The following GFPT2 variants were observed in gnomAD, a reference collection of about 807,000 sequenced individuals.
GFPT2 encodes glutamine--fructose-6-phosphate aminotransferase [isomerizing] 2.
Under a neutral mutation model 85.6 loss-of-function variants are expected in GFPT2, and 62 were observed. The ratio of observed to expected loss-of-function variants is 0.72; its 90% CI spans 0.59 to 0.90. GFPT2 has a LOEUF of 0.90. Ranked by LOEUF, GFPT2 falls within the 40% of genes least tolerant of loss-of-function variation. The pLI is 0.00. For synonymous variants in GFPT2, 368 were observed against 344.5 expected (o/e 1.07, Z -0.75); for missense variants, 788 against 893.4 (o/e 0.88, Z 1.50).
chr5:180,341,911 G>C (rs74338248), intron 1 of GFPT2, among the ~76,000 whole-genome samples: 4,235 of 152,260 alleles, frequency 0.028, 85 homozygotes, highest in Non-Finnish European at 0.045. Flanking sequence ...TAAAAAGATA[G>C]TTATTTTTTG....
rs60825853 is a variant in GFPT2, at chr5:180,326,024, CTAAA to C, written c.597-1133_597-1130del. Among the ~76,000 whole-genome samples the C allele has an allele frequency of 8.0e-5, 12 of 150,744 alleles. No individual in the cohort carries two copies. In the East Asian group the frequency reaches 1.8e-3, roughly 22 times the overall value. ...TGGGCGACAAAGCGAGACTCCATCT[CTAAA>C]TAAATAAATAAATAAATAAATAAAA... On this transcript the variant is annotated intron_variant, in intron 7 of 18. Coordinates refer to ENST00000253778, the MANE Select transcript of GFPT2 (RefSeq NM_005110.4).
At chr5:180,342,755 A>T (rs1764542718) in intron 1 of GFPT2, among the ~76,000 whole-genome samples, 2 of 152,084 alleles carry the variant, frequency 1.3e-5, no homozygotes, top group African/African-American at 4.8e-5. Context: ...TAGAAAAATT[A>T]GCTGGGTATG....
intron 6 of GFPT2, among the ~76,000 whole-genome samples, chr5:180,329,575 G>A (rs1332357821): frequency 2.0e-5 from 3 of 152,186 alleles, no homozygotes; most frequent in Non-Finnish European, 2.9e-5. Context: ...TTATAAACAC[G>A]TCCTCTAAAT....
chr5:180,325,880 C>T (rs1764203117), intron 7 of GFPT2, among the ~76,000 whole-genome samples: 1 of 152,106 alleles, frequency 6.6e-6, no homozygotes, highest in Admixed American at 6.5e-5. Context: ...CAAAAATTAG[C>T]TGGGCATGGT....
rs1764173836 is a variant in GFPT2 at position 180,324,381 on chromosome 5, C to A, written c.677-76G>T. ...ATAATATGCAGCAAGGAACCAATTT[C>A]CCCTCTGAATATGTGTGGGAGAAAT... On this transcript the variant is annotated intron_variant, in intron 8 of 18. Transcript: ENST00000253778. The A allele has an allele frequency of 5.7e-6, 5 of 874,742 alleles. No individual in the cohort carries two copies. The Admixed American group carries it at 6.8e-5, about 12-fold the overall frequency. 54.2% of individuals were successfully genotyped at this position (874,742 alleles called of 1,614,324 possible).
In GFPT2 at chr5:180,324,168, A is replaced by T. The variant is rs771835390; in HGVS notation, c.794+20T>A. 20 of 1,301,430 alleles carry T rather than the reference A, an allele frequency of 1.5e-5. No individual in the cohort carries two copies. Among genetic ancestry groups the T allele is most frequent in the Non-Finnish European group, 2.2e-5 (20 of 900,618 alleles). The allele number at this position is 1,301,430 out of a possible 1,614,324, so 80.6% of individuals were successfully genotyped here. A position where few individuals can be genotyped will look rare whatever the true frequency, so the allele number is the denominator to read the frequency against. ...TTGATTATGTAATCCCAGGAAGCGA[A>T]GAGAAGAAGGCTCAGTTACCTTGCA... On this transcript the variant is annotated intron_variant, in intron 9 of 18. Coordinates refer to ENST00000253778, the MANE Select transcript of GFPT2 (RefSeq NM_005110.4).
chr5:180,326,535 T>C (rs1429055184), intron 7 of GFPT2, among the ~76,000 whole-genome samples: 4 of 152,342 alleles, frequency 2.6e-5, no homozygotes, highest in South Asian at 2.1e-4. Flanking sequence ...GTTGGCCTGT[T>C]TGGACCCCAC....
intron 15 of GFPT2, among the ~76,000 whole-genome samples, chr5:180,310,523 G>C (rs1191725088): frequency 6.6e-6 from 1 of 151,682 alleles, no homozygotes; most frequent in African/African-American, 2.4e-5. Flanking sequence ...TGATTTTCCT[G>C]CCTCAGCCTC....
At chr5:180,352,498 GGA>G in intron 1 of GFPT2, 8 of 449,666 alleles carry the variant, frequency 1.8e-5, no homozygotes, top group Non-Finnish European at 3.6e-5. Context: ...CAGCCACGCG[GGA>G]CAGCGCGGGA....
intron 4 of GFPT2, among the ~76,000 whole-genome samples, chr5:180,333,471 T>C (rs1347357080): frequency 1.3e-5 from 2 of 152,036 alleles, no homozygotes; most frequent in Non-Finnish European, 2.9e-5. Flanking sequence ...CCCGACCTCA[T>C]GGTCCGCCCG....
chr5:180,317,043 A>G lies in GFPT2; in HGVS notation c.974T>C (p.Phe325Ser). The change falls in exon 11 of 19, where the codon TTT (phenylalanine) becomes TCT (serine). Residue 325 changes from phenylalanine to serine, a missense_variant. Phe to Ser is a radical substitution (Grantham distance 155). Coordinates refer to ENST00000253778, the MANE Select transcript of GFPT2 (RefSeq NM_005110.4). ...QQIMKGNFSA[F>S]MQKEIFEQPE... ...CTGTTCGAAGATCTCCTTCTGCATA[A>G]ACGCACTGAAGTTACCTGGTCAAAT... 2 of 1,602,530 alleles carry G rather than the reference A, an allele frequency of 1.2e-6. No homozygotes were observed. Among genetic ancestry groups the G allele is most frequent in the Non-Finnish European group, 1.7e-6 (2 of 1,169,344 alleles).
At chr5:180,335,999 C>A (rs781414033) in intron 3 of GFPT2, 46 bp from the exon 4 acceptor site, 1 of 1,516,290 alleles carries the variant, frequency 6.6e-7, no homozygotes, top group Non-Finnish European at 8.8e-7. Flanking sequence ...CAACAAGCCT[C>A]GACCCAGGAC....
At position 180,313,733 on chromosome 5, in the gene GFPT2, CGGA is replaced by C. The variant is rs1763945437; in HGVS notation, c.1431+71_1431+73del. 2.2e-6 allele frequency: 3 copies of C among 1,357,216 alleles called. No individual in the cohort carries two copies. The African/African-American group carries it at 4.3e-5, about 20-fold the overall frequency. The allele number at this position is 1,357,216 out of a possible 1,614,324, so 84.1% of individuals were successfully genotyped here. ...AGGCGGTGGCGCGGGCAGAGCAGGC[CGGA>C]GGAGGGCGGCCTCTGGTGCACCTGC... On this transcript the variant is annotated intron_variant, in intron 14 of 18. Transcript: ENST00000253778.
intron 4 of GFPT2, among the ~76,000 whole-genome samples, chr5:180,334,946 CA>C (rs888109936): frequency 6.6e-6 from 1 of 152,220 alleles, no homozygotes; most frequent in African/African-American, 2.4e-5. Context: ...GTCTTTCCCC[CA>C]TGAGAGGGGG....
chr5:180,341,434 T>A (rs1764513125), intron 1 of GFPT2, among the ~76,000 whole-genome samples: 1 of 152,238 alleles, frequency 6.6e-6, no homozygotes, highest in Non-Finnish European at 1.5e-5. Context: ...TTCAATGAAA[T>A]GAATGTTATA....
At chr5:180,326,849 A>G (rs1166463510) in intron 7 of GFPT2, among the ~76,000 whole-genome samples, 1 of 152,190 alleles carries the variant, frequency 6.6e-6, no homozygotes, top group African/African-American at 2.4e-5. Flanking sequence ...TAGAGCCCTC[A>G]GTTATAGGCA....
intron 14 of GFPT2, among the ~76,000 whole-genome samples, chr5:180,313,518 A>C (rs1446976288): frequency 2.0e-5 from 3 of 151,602 alleles, no homozygotes. Flanking sequence ...TGAACCCGGG[A>C]GGCGGAGCTT....
intron 11 of GFPT2, 46 bp from the exon 12 acceptor site, chr5:180,316,907 C>G: frequency 6.4e-7 from 1 of 1,566,230 alleles, no homozygotes. Flanking sequence ...TACACAGTCA[C>G]CGCATTCCCT....
intron 15 of GFPT2, among the ~76,000 whole-genome samples, chr5:180,308,757 G>A (rs1763823075): frequency 6.6e-6 from 1 of 152,112 alleles, no homozygotes; most frequent in Non-Finnish European, 1.5e-5. Flanking sequence ...GCATAACTCT[G>A]TGACATCGTG....
Sources: allele counts gnomAD v4.1 joint callset (sites outside exome capture counted in the v4.1 genomes callset), GRCh38; gene constraint gnomAD v4.1.1; transcripts MANE v1.5; gene names NCBI Gene and HGNC (gene_info 2026-07-23, HGNC 2026-07-21).